Variants in THSD7A observed in about 807,000 individuals in gnomAD.
THSD7A encodes the protein thrombospondin type-1 domain-containing protein 7A.
THSD7A carries 96 observed loss-of-function variants against 231.3 expected under a neutral mutation model. That is an observed-to-expected ratio of 0.41 (90% CI 0.35 to 0.49). The LOEUF (loss-of-function observed/expected upper bound fraction) is 0.49. THSD7A is among the 20% of genes least tolerant of loss of function. THSD7A has a pLI of 0.05. For missense variants in THSD7A, 2,290 were observed against 2,070.2 expected (o/e 1.11, Z -2.06); for synonymous variants, 940 against 743.3 (o/e 1.26, Z -4.30).
At position 11,446,268 on chromosome 7, in the gene THSD7A, T is replaced by A; in HGVS notation, c.2857A>T (p.Thr953Ser). The change falls in exon 13 of 28, where the codon ACT becomes TCT. Residue 953 changes from threonine to serine, a missense_variant. By Grantham distance (58) the Thr-to-Ser change is moderately conservative. Coordinates refer to ENST00000423059, the MANE Select transcript of THSD7A (RefSeq NM_015204.3). The surrounding 1 kb of genome is among the most constrained non-coding windows in gnomAD (Gnocchi z 4.0). Reference sequence around the variant, plus strand: ...TATTTGTCACAAGGACAATACTGAGTCTCAATCAGGGGATACAAATGGGAA... The same window carrying A: ...TATTTGTCACAAGGACAATACTGAGACTCAATCAGGGGATACAAATGGGAA... ...KNSHLYPLIE[T>S]QYCPCDKYNA... 6.2e-7 allele frequency: 1 copy of A among 1,613,402 alleles called. No homozygotes were observed. The highest frequency in any genetic ancestry group is 8.5e-7 in the Non-Finnish European group (1 of 1,179,548).
At chr7:11,527,527 G>C (rs1315573005) in intron 6 of THSD7A, among the ~76,000 whole-genome samples, 1 of 152,098 alleles carries the variant, frequency 6.6e-6, no homozygotes. Flanking sequence ...ACCAGTTCTA[G>C]AAGAATCCTC....
In THSD7A at chr7:11,596,323, C is replaced by T. The variant is rs145974075; in HGVS notation, c.1023-2821G>A. ...GACATTGATTCCAGGGGACCCAAAA[C>T]ATCACTGTGGTCCTCCAGTTAAAGT... is the stretch of plus-strand genomic sequence containing the variant. On this transcript the variant is annotated intron_variant, in intron 2 of 27. Coordinates refer to ENST00000423059, the MANE Select transcript of THSD7A (RefSeq NM_015204.3). Among the ~76,000 whole-genome samples the T allele has an allele frequency of 2.9e-3, 447 of 152,306 alleles. 1 individual carries two copies. The highest frequency in any genetic ancestry group is 4.8e-3 in the Non-Finnish European group (326 of 68,018).
At chr7:11,802,378 A>T (rs1252453695) in intron 1 of THSD7A, among the ~76,000 whole-genome samples, 2 of 152,164 alleles carry the variant, frequency 1.3e-5, no homozygotes, top group African/African-American at 2.4e-5. Flanking sequence ...GATGCAGACA[A>T]AAGTTTGAGA....
At chr7:11,501,910 G>T (rs2128310605) in intron 6 of THSD7A, among the ~76,000 whole-genome samples, 1 of 151,972 alleles carries the variant, frequency 6.6e-6, no homozygotes, top group African/African-American at 2.4e-5. Context: ...AGAGAGAAAA[G>T]CCAAATAAAC....
intron 1 of THSD7A, among the ~76,000 whole-genome samples, chr7:11,642,210 C>T (rs1264180786): frequency 6.6e-6 from 1 of 152,172 alleles, no homozygotes; most frequent in Non-Finnish European, 1.5e-5. Flanking sequence ...TTCAGCTCTG[C>T]ATCCTACATT....
intron 4 of THSD7A, among the ~76,000 whole-genome samples, chr7:11,560,869 G>C (rs1247135576): frequency 6.6e-6 from 1 of 152,118 alleles, no homozygotes; most frequent in Non-Finnish European, 1.5e-5. Context: ...AAGTTTAGAA[G>C]AGGGTTTCCA....
At chr7:11,592,446 A>G (rs1321494163) in intron 3 of THSD7A, among the ~76,000 whole-genome samples, 2 of 152,250 alleles carry the variant, frequency 1.3e-5, no homozygotes, top group Non-Finnish European at 2.9e-5. Context: ...CTATATACAG[A>G]TTAAGCTGAA....
intron 23 of THSD7A, 99 bp from the exon 24 acceptor site, chr7:11,382,715 C>T: frequency 3.3e-6 from 3 of 920,770 alleles, no homozygotes; most frequent in South Asian, 1.5e-5. Flanking sequence ...AAGTAATAAG[C>T]TCATCTCTGA....
chr7:11,636,914 G>A lies in THSD7A; in HGVS notation c.238C>T (p.Gln80Ter). 1 of 1,613,064 alleles carries A rather than the reference G, an allele frequency of 6.2e-7. No individual in the cohort carries two copies. The highest frequency in any genetic ancestry group is 8.5e-7 in the Non-Finnish European group (1 of 1,179,856). ...MGDECGPGGI[Q>*]TRAVWCAHVE... is the part of the protein sequence containing the mutation. ...TGAGCACACCACACAGCCCTCGTTT[G>A]GATGCCTCCGGGACCACATTCATCT... The change falls in exon 2 of 28, where the codon CAA (glutamine) becomes TAA (stop). Residue 80 changes from glutamine to a stop codon, truncating the protein, a stop_gained. Transcript: ENST00000423059. LOFTEE classifies it high-confidence loss of function. The surrounding 1 kb of genome is among the most constrained non-coding windows in gnomAD (Gnocchi z 10.0).
chr7:11,588,841 C>G lies in THSD7A; in HGVS notation c.1453+1619G>C, dbSNP rs2189633. On this transcript the variant is annotated intron_variant, in intron 4 of 27. Transcript: ENST00000423059. Reference sequence around the variant, plus strand: ...AAAGTGGCCAAGAAAATATTAATGTCCTAACATTACATGTTTTATGTTACT... The same window carrying G: ...AAAGTGGCCAAGAAAATATTAATGTGCTAACATTACATGTTTTATGTTACT... 3.2e-3 allele frequency among the ~76,000 whole-genome samples: 485 copies of G among 152,084 alleles called. 3 individuals are homozygous for G. Among genetic ancestry groups the G allele is most frequent in the South Asian group, 0.027 (132 of 4,822 alleles).
intron 6 of THSD7A, among the ~76,000 whole-genome samples, chr7:11,532,824 C>T (rs1321232225): frequency 6.6e-6 from 1 of 152,034 alleles, no homozygotes; most frequent in South Asian, 2.1e-4. Context: ...TTAGAAGATG[C>T]CACAAGAGCT....
At chr7:11,518,353 C>G (rs79575826) in intron 6 of THSD7A, among the ~76,000 whole-genome samples, 1,821 of 152,076 alleles carry the variant, frequency 0.012, 33 homozygotes, top group African/African-American at 0.042. Context: ...GAAGACTGTT[C>G]AATTTGGCTT....
chr7:11,673,235 T>C (rs1361112594), intron 1 of THSD7A, among the ~76,000 whole-genome samples: 2 of 152,034 alleles, frequency 1.3e-5, no homozygotes, highest in Non-Finnish European at 2.9e-5. Flanking sequence ...CAGAACACCA[T>C]ATTGCTGTTG....
At chr7:11,378,095 T>C (rs1782351905) in intron 26 of THSD7A, 1 of 152,142 alleles carries the variant, frequency 6.6e-6, no homozygotes, top group Non-Finnish European at 1.5e-5. Context: ...ACTTAAAATA[T>C]CTTAAAAATC....
intron 1 of THSD7A, among the ~76,000 whole-genome samples, chr7:11,821,523 AG>A (rs1446072235): frequency 4.0e-5 from 6 of 151,788 alleles, no homozygotes; most frequent in Admixed American, 3.9e-4. Context: ...TCACCTCAAA[AG>A]AAAAAAAATA....
At chr7:11,506,839 T>C (rs928390492) in intron 6 of THSD7A, among the ~76,000 whole-genome samples, 14 of 152,144 alleles carry the variant, frequency 9.2e-5, no homozygotes, top group African/African-American at 3.4e-4. Context: ...AGAGAGTCTT[T>C]GCATGACCCA....
chr7:11,555,431 G>C (rs1035840372), intron 4 of THSD7A, among the ~76,000 whole-genome samples: 5 of 151,806 alleles, frequency 3.3e-5, no homozygotes, highest in African/African-American at 1.2e-4. Flanking sequence ...ATTGTGCTCA[G>C]AGAACACTCT....
At chr7:11,604,323 T>C (rs879845521) in intron 2 of THSD7A, among the ~76,000 whole-genome samples, 2 of 152,070 alleles carry the variant, frequency 1.3e-5, no homozygotes, top group Non-Finnish European at 2.9e-5. Flanking sequence ...AGGCAATCCA[T>C]CATTGAATGT....
chr7:11,598,794 T>G (rs947988477), intron 2 of THSD7A, among the ~76,000 whole-genome samples: 4 of 152,148 alleles, frequency 2.6e-5, no homozygotes, highest in Non-Finnish European at 4.4e-5. Flanking sequence ...AGCAAAATTT[T>G]TGCTTCCTGT....
Sources: gnomAD v4.1 joint callset for allele counts (sites outside exome capture counted in the v4.1 genomes callset) on GRCh38, gnomAD v4.1.1 for gene constraint, Gnocchi (gnomAD v3.1) non-coding constraint, MANE v1.5 for transcripts, NCBI Gene and HGNC (gene_info 2026-07-23, HGNC 2026-07-21) for gene names.